The following ANKFY1 variants were observed in gnomAD, a reference collection of about 807,000 sequenced individuals.
ANKFY1 encodes ankyrin repeat and FYVE domain containing 1, also known as ankyrin repeat and FYVE domain-containing protein 1.
ANKFY1 carries 47 observed loss-of-function variants against 128.3 expected under a neutral mutation model. The ratio of observed to expected loss-of-function variants is 0.37; its 90% CI spans 0.29 to 0.47. The LOEUF is 0.47. ANKFY1 is among the 20% of genes least tolerant of loss of function. The pLI, the probability that ANKFY1 is intolerant of heterozygous loss-of-function variation, is 1.00. For missense variants in ANKFY1, 1,222 were observed against 1,510.6 expected, an observed-to-expected ratio of 0.81 and a Z score of 3.17; for synonymous variants, 553 against 601.6, an observed-to-expected ratio of 0.92 and a Z score of 1.18.
intron 3 of ANKFY1, among the ~76,000 whole-genome samples, chr17:4,234,142 C>A (rs2060562710): frequency 6.6e-6 from 1 of 152,144 alleles, no homozygotes; most frequent in Non-Finnish European, 1.5e-5. Flanking sequence ...AGCCTAGAAG[C>A]AACATACTAT....
At chr17:4,253,876 C>A (rs1967972181) in intron 1 of ANKFY1, among the ~76,000 whole-genome samples, 1 of 152,114 alleles carries the variant, frequency 6.6e-6, no homozygotes, top group African/African-American at 2.4e-5. Context: ...AAAAATGACA[C>A]CCCCATAAGA....
rs1377644768 is a variant in ANKFY1, at chr17:4,167,596, C to A, written c.*183G>T. The A allele has an allele frequency of 1.8e-6, 1 of 562,122 alleles. No individual in the cohort carries two copies. Among genetic ancestry groups the A allele is most frequent in the Non-Finnish European group, 2.9e-6 (1 of 341,904 alleles). The allele number at this position is 562,122 out of a possible 1,614,324, so 34.8% of individuals were successfully genotyped here. A position where few individuals can be genotyped will look rare whatever the true frequency, so the allele number is the denominator to read the frequency against. ...GTGAAATCGATCACAGTCTGACACA[C>A]ACACTGACAATCATATGGAATCATT... On this transcript the variant is annotated 3_prime_UTR_variant, in exon 25 of 25. Coordinates refer to ENST00000341657, the MANE Select transcript of ANKFY1 (RefSeq NM_001330063.2). This position sits in a 1 kb window ranked among gnomAD's most constrained non-coding sequence, Gnocchi z 4.1.
In ANKFY1 at chr17:4,183,851, A is replaced by T. The variant is rs1321299614; in HGVS notation, c.1759T>A (p.Ser587Thr). 1 of 1,613,868 alleles carries T rather than the reference A, an allele frequency of 6.2e-7. No homozygotes were observed. Among genetic ancestry groups the T allele is most frequent in the Non-Finnish European group, 8.5e-7 (1 of 1,179,874 alleles). The stretch of plus-strand genomic sequence containing the variant: ...AGGCCCAGCACAGTCTGGTCTCGGG[A>T]ATCTTTGAGGCTGAAGTCCGGAATG... ...QIIPDFSLKD[S>T]RDQTVLGLAL... is the part of the protein sequence containing the mutation. Residue 587 changes from serine to threonine, a missense_variant, in exon 13 of 25, where the codon TCC (serine) becomes ACC (threonine). Physicochemically the swap from Ser to Thr is moderately conservative, Grantham distance 58. Coordinates refer to ENST00000341657, the MANE Select transcript of ANKFY1 (RefSeq NM_001330063.2).
At chr17:4,221,212 TG>T (rs1439305711) in intron 3 of ANKFY1, among the ~76,000 whole-genome samples, 1 of 152,228 alleles carries the variant, frequency 6.6e-6, no homozygotes, top group African/African-American at 2.4e-5. Context: ...AAACTGACTT[TG>T]TTTTTTACTT....
At chr17:4,234,407 G>A (rs867368692) in intron 3 of ANKFY1, among the ~76,000 whole-genome samples, 9 of 151,988 alleles carry the variant, frequency 5.9e-5, no homozygotes, top group Admixed American at 2.0e-4. Flanking sequence ...GAAAATGACT[G>A]TTTTCAAGTC....
intron 10 of ANKFY1, among the ~76,000 whole-genome samples, chr17:4,189,744 C>T (rs898736475): frequency 1.3e-5 from 2 of 151,526 alleles, no homozygotes; most frequent in African/African-American, 2.4e-5. Context: ...AGTAGGTCCA[C>T]GCCAGACAGT....
chr17:4,167,465 T>G lies in ANKFY1; in HGVS notation c.*314A>C. 4.7e-6 allele frequency: 1 copy of G among 210,634 alleles called. No individual in the cohort carries two copies. The highest frequency in any genetic ancestry group is 2.3e-5 in the African/African-American group (1 of 43,780). The allele number at this position is 210,634 out of a possible 1,614,324, so 13.0% of individuals were successfully genotyped here. On this transcript the variant is annotated 3_prime_UTR_variant, in exon 25 of 25. Transcript: ENST00000341657. The surrounding 1 kb of genome is among the most constrained non-coding windows in gnomAD (Gnocchi z 4.1). Reference sequence around the variant, plus strand: ...ACCAAGCTACTGGAAGGGGAAATGGTTTTCCAAGTGTCCCTGTATGTTGCT... The same window carrying G: ...ACCAAGCTACTGGAAGGGGAAATGGGTTTCCAAGTGTCCCTGTATGTTGCT...
chr17:4,218,438 C>T (rs963137408), intron 3 of ANKFY1, among the ~76,000 whole-genome samples: 1 of 152,122 alleles, frequency 6.6e-6, no homozygotes, highest in Non-Finnish European at 1.5e-5. Flanking sequence ...GAAAAGTAGG[C>T]TAAAAATACT....
intron 1 of ANKFY1, among the ~76,000 whole-genome samples, chr17:4,252,264 T>C (rs1160142858): frequency 6.6e-6 from 1 of 152,164 alleles, no homozygotes; most frequent in African/African-American, 2.4e-5. Flanking sequence ...TAAAAAGTTA[T>C]GGCAAAGATC....
At chr17:4,187,373 C>G (rs563341444) in intron 11 of ANKFY1, 14 of 398,300 alleles carry the variant, frequency 3.5e-5, no homozygotes, top group African/African-American at 2.9e-4. Context: ...TGGCTCCAGC[C>G]TGGACTCCAC....
rs7222603 is a variant in ANKFY1, at chr17:4,209,627, G to C, written c.582+197C>G. On this transcript the variant is annotated intron_variant, in intron 5 of 24. Coordinates refer to ENST00000341657, the MANE Select transcript of ANKFY1 (RefSeq NM_001330063.2). The stretch of plus-strand genomic sequence containing the variant: ...GACCTGAGCTATCTTTTGTCCTTTG[G>C]CTCCGAAATCACAGAACTACCAGAA... Among the ~76,000 whole-genome samples the C allele has an allele frequency of 0.052, 7,916 of 152,174 alleles. 450 individuals carry two copies. Among genetic ancestry groups the C allele is most frequent in the African/African-American group, 0.14 (5,780 of 41,520 alleles).
At chr17:4,170,646 A>G (rs888450476) in intron 23 of ANKFY1, 69 bp downstream of exon 23, 37 of 1,538,448 alleles carry the variant, frequency 2.4e-5, no homozygotes, top group Middle Eastern at 1.8e-4. Context: ...AAGATCACCA[A>G]TACAATACAT....
At position 4,243,049 on chromosome 17, in the gene ANKFY1, CTCT is replaced by C. The variant is rs547035644; in HGVS notation, c.11-604_11-602del. ...ATAAATTCCCTCATTTAATCTCTCTCTCTTTTTTTGTTTTTTGTTTGTTTGTTT... is the reference window on the plus strand; with the variant it reads ...ATAAATTCCCTCATTTAATCTCTCTCTTTTTTGTTTTTTGTTTGTTTGTTT... On this transcript the variant is annotated intron_variant, in intron 1 of 24. Coordinates refer to ENST00000341657, the MANE Select transcript of ANKFY1 (RefSeq NM_001330063.2). Among the ~76,000 whole-genome samples the C allele has an allele frequency of 6.3e-3, 954 of 152,184 alleles. 5 individuals carry two copies. Among genetic ancestry groups the C allele is most frequent in the Middle Eastern group, 0.01 (3 of 294 alleles).
rs1168854084 is a variant in ANKFY1 at position 4,241,275 on chromosome 17, CTTT to C, written c.203+978_203+980del. ...AGCTGAGCTTCTTCTTCTTCTTCTT[CTTT>C]TTTTTTTTTTTTTTTTTTTGAGATG... On this transcript the variant is annotated intron_variant, in intron 2 of 24. Coordinates refer to ENST00000341657, the MANE Select transcript of ANKFY1 (RefSeq NM_001330063.2). 1.7e-3 allele frequency among the ~76,000 whole-genome samples: 25 copies of C among 14,938 alleles called. No individual in the cohort carries two copies. In the East Asian group the frequency reaches 0.038, roughly 23 times the overall value. 9.8% of individuals were successfully genotyped at this position (14,938 alleles called of 152,430 possible).
chr17:4,184,764 T>G, intron 12 of ANKFY1, 54 bp downstream of exon 12: 1 of 1,561,110 alleles, frequency 6.4e-7, no homozygotes, highest in South Asian at 1.1e-5. Flanking sequence ...TAACTAAGGA[T>G]CCTAAACTGC....
chr17:4,177,215 T>C lies in ANKFY1; in HGVS notation c.2686A>G (p.Asn896Asp). The C allele has an allele frequency of 1.2e-6, 2 of 1,609,168 alleles. No homozygotes were observed. Among genetic ancestry groups the C allele is most frequent in the Middle Eastern group, 1.7e-4 (1 of 6,056 alleles). ...SVLFLISVHA[N>D]VNSRVQDASK... The stretch of plus-strand genomic sequence containing the variant: ...GCATCCTGGACTCTTGAATTCACAT[T>C]AGCGTGGACACTGATCAGGAACAGC... Residue 896 changes from asparagine to aspartate, a missense_variant, in exon 19 of 25, where the codon AAT (asparagine) becomes GAT (aspartate). Coordinates refer to ENST00000341657, the MANE Select transcript of ANKFY1 (RefSeq NM_001330063.2).
intron 1 of ANKFY1, among the ~76,000 whole-genome samples, chr17:4,258,733 TAATTTTAA>T (rs747237846): frequency 3.2e-4 from 49 of 152,236 alleles, no homozygotes; most frequent in Admixed American, 5.2e-4. Flanking sequence ...ACTGAGAAGT[TAATTTTAA>T]ATTTTATTTA....
intron 1 of ANKFY1, among the ~76,000 whole-genome samples, chr17:4,262,728 C>G (rs924576173): frequency 1.3e-5 from 2 of 151,952 alleles, no homozygotes; most frequent in East Asian, 3.9e-4. Context: ...GCCGGTGGGA[C>G]AGAGCGAGAC....
Position 4,206,347 on chromosome 17 carries a change from C to T in ANKFY1, c.872G>A (p.Ser291Asn). 6.2e-7 allele frequency: 1 copy of T among 1,614,060 alleles called. No individual in the cohort carries two copies. Among genetic ancestry groups the T allele is most frequent in the Non-Finnish European group, 8.5e-7 (1 of 1,179,894 alleles). The change falls in exon 7 of 25, where the codon AGC becomes AAC. Residue 291 changes from serine (S) to asparagine (N), a missense_variant. Ser to Asn is a conservative substitution (Grantham distance 46). Coordinates refer to ENST00000341657, the MANE Select transcript of ANKFY1 (RefSeq NM_001330063.2). ...DVDMVDKSGWSLLHKGIQRGD... is the reference protein window; with the variant it reads ...DVDMVDKSGWNLLHKGIQRGD... Reference sequence around the variant, plus strand: ...TCTTTGGATTCCTTTGTGTAACAAGCTCCAGCCACTCTTGTCCACCATGTC... The same window carrying T: ...TCTTTGGATTCCTTTGTGTAACAAGTTCCAGCCACTCTTGTCCACCATGTC...
Sources: gnomAD v4.1 joint callset for allele counts (sites outside exome capture counted in the v4.1 genomes callset) on GRCh38, gnomAD v4.1.1 for gene constraint, Gnocchi (gnomAD v3.1) non-coding constraint, MANE v1.5 for transcripts, NCBI Gene and HGNC (gene_info 2026-07-23, HGNC 2026-07-21) for gene names.